TET3: variants seen among roughly 807,000 people sequenced by gnomAD.
TET3 encodes tet methylcytosine dioxygenase 3, also known as methylcytosine dioxygenase TET3.
TET3 carries 19 observed loss-of-function variants against 141.4 expected under a neutral mutation model. The observed-to-expected ratio is 0.13, with a 90% CI of 0.09 to 0.20. The LOEUF is 0.20. Ranked by LOEUF, TET3 falls within the 10% of genes least tolerant of loss-of-function variation. The pLI, the probability that TET3 is intolerant of heterozygous loss-of-function variation, is 1.00. For missense variants in TET3, 1,874 were observed against 2,356.9 expected (o/e 0.80, Z 4.24); for synonymous variants, 1,043 against 980.9 (o/e 1.06, Z -1.18).
intron 4 of TET3, among the ~76,000 whole-genome samples, chr2:74,053,430 C>A (rs1688054568): frequency 6.6e-6 from 1 of 152,174 alleles, no homozygotes; most frequent in African/African-American, 2.4e-5. Context: ...TTGTGCTCAT[C>A]TAGTCACCAT....
chr2:73,987,121 G>T (rs77976256), intron 2 of TET3, among the ~76,000 whole-genome samples: 1 of 152,152 alleles, frequency 6.6e-6, no homozygotes, highest in Non-Finnish European at 1.5e-5. Context: ...TTGACAGGGT[G>T]GTTTTATGAT....
At chr2:74,064,143 C>T (rs1390255749) in intron 4 of TET3, among the ~76,000 whole-genome samples, 1 of 152,074 alleles carries the variant, frequency 6.6e-6, no homozygotes, top group Non-Finnish European at 1.5e-5. Flanking sequence ...TCAAAGCTCT[C>T]TGAAGTCGGG....
chr2:74,075,530 T>C (rs950964653), intron 5 of TET3, among the ~76,000 whole-genome samples: 1 of 151,816 alleles, frequency 6.6e-6, no homozygotes, highest in Admixed American at 6.6e-5. Context: ...GGTTTCACCA[T>C]GTTGGCCAGG....
intron 4 of TET3, among the ~76,000 whole-genome samples, chr2:74,069,098 A>AT (rs1175354698): frequency 4.6e-5 from 7 of 151,366 alleles, no homozygotes; most frequent in African/African-American, 1.7e-4. Flanking sequence ...CTTCCTGATT[A>AT]TTTTTTAAAA....
Position 74,105,046 on chromosome 2 carries a change from C to G in TET3, c.*2870C>G, listed in dbSNP as rs1691422466. On this transcript the variant is annotated 3_prime_UTR_variant, in exon 12 of 12. Coordinates refer to ENST00000409262, the MANE Select transcript of TET3 (RefSeq NM_001287491.2). Reference sequence around the variant, plus strand: ...GTAACTATGCACAGCTCTTTATCCCCCCCTTGCTGCTGAAGCTTTCTTAAA... The same window carrying G: ...GTAACTATGCACAGCTCTTTATCCCGCCCTTGCTGCTGAAGCTTTCTTAAA... 1 of 397,616 alleles carries G rather than the reference C, an allele frequency of 2.5e-6. No homozygotes were observed. The highest frequency in any genetic ancestry group is 2.1e-5 in the African/African-American group (1 of 48,622). The allele number at this position is 397,616 out of a possible 1,614,324, so 24.6% of individuals were successfully genotyped here. A position where few individuals can be genotyped will look rare whatever the true frequency, so the allele number is the denominator to read the frequency against.
At chr2:74,073,711 A>AT in intron 5 of TET3, 72 bp downstream of exon 5, 1 of 1,304,076 alleles carries the variant, frequency 7.7e-7, no homozygotes, top group South Asian at 1.4e-5. Context: ...AGCGCCTCTC[A>AT]TTTTTCTTTG....
At chr2:74,015,001 A>G (rs1351951032) in intron 3 of TET3, among the ~76,000 whole-genome samples, 1 of 152,194 alleles carries the variant, frequency 6.6e-6, no homozygotes, top group East Asian at 1.9e-4. Context: ...AACAGTGATC[A>G]TGTGGTGAAG....
rs1318053480 is a variant in TET3 at position 74,101,712 on chromosome 2, A to G, written c.4924A>G (p.Ser1642Gly). The G allele has an allele frequency of 2.5e-6, 4 of 1,613,614 alleles. No homozygotes were observed. The highest frequency in any genetic ancestry group is 3.4e-6 in the Non-Finnish European group (4 of 1,179,882). The change falls in exon 12 of 12, where the codon AGT (serine) becomes GGT (glycine). Residue 1642 changes from serine to glycine, a missense_variant. Transcript: ENST00000409262. The surrounding 1 kb of genome is among the most constrained non-coding windows in gnomAD (Gnocchi z 8.5). ...EEEEEELWSDSEHNFLDENIG... is the reference protein window; with the variant it reads ...EEEEEELWSDGEHNFLDENIG... ...GGAAGAGGAGGAGCTGTGGTCGGAC[A>G]GTGAACACAACTTCCTGGACGAGAA...
intron 2 of TET3, among the ~76,000 whole-genome samples, chr2:74,001,654 C>G (rs1404803134): frequency 6.6e-6 from 1 of 152,170 alleles, no homozygotes; most frequent in Non-Finnish European, 1.5e-5. Context: ...ACGATGTGCC[C>G]TGGGTGGCCC....
At position 74,105,285 on chromosome 2, in the gene TET3, G is replaced by A. The variant is rs1372664948; in HGVS notation, c.*3109G>A. 2 of 398,612 alleles carry A rather than the reference G, an allele frequency of 5.0e-6. No homozygotes were observed. The highest frequency in any genetic ancestry group is 8.8e-6 in the Non-Finnish European group (2 of 226,060). 24.7% of individuals were successfully genotyped at this position (398,612 alleles called of 1,614,324 possible). The stretch of plus-strand genomic sequence containing the variant: ...TGCCCTGTCCACGGACACCATCCAC[G>A]TGCAGTGCAAACATTTGGTTCCTTT... On this transcript the variant is annotated 3_prime_UTR_variant, in exon 12 of 12. Coordinates refer to ENST00000409262, the MANE Select transcript of TET3 (RefSeq NM_001287491.2).
Position 74,047,548 on chromosome 2 carries a change from A to G in TET3, c.1631A>G (p.His544Arg), listed in dbSNP as rs1687703076. 1 of 1,613,814 alleles carries G rather than the reference A, an allele frequency of 6.2e-7. No homozygotes were observed. The highest frequency in any genetic ancestry group is 1.6e-4 in the Middle Eastern group (1 of 6,062). The change falls in exon 4 of 12, where the codon CAC (histidine) becomes CGC (arginine). Residue 544 changes from histidine to arginine, a missense_variant. Coordinates refer to ENST00000409262, the MANE Select transcript of TET3 (RefSeq NM_001287491.2). Reference protein sequence around the residue: ...HKRSLFLEQVHDTSFPAPSEP... With the variant: ...HKRSLFLEQVRDTSFPAPSEP... ...CGCAGCCTCTTCCTAGAACAGGTGC[A>G]CGACACCTCCTTCCCTGCTCCTTCA...
downstream of TET3, among the ~76,000 whole-genome samples, chr2:74,108,923 CATA>C (rs1691638532): frequency 6.6e-6 from 1 of 152,296 alleles, no homozygotes; most frequent in African/African-American, 2.4e-5. Context: ...ATACCATGAT[CATA>C]ATGAGTGCCA....
At position 74,099,440 on chromosome 2, in the gene TET3, C is replaced by T. The variant is rs752228312; in HGVS notation, c.3432C>T (p.Ala1144=). Residue 1144 remains alanine, a synonymous_variant, in exon 11 of 12, where the codon GCC becomes GCT. Transcript: ENST00000409262. Reference sequence around the variant, plus strand: ...GCGGAGCCATCCAGGTGCTCACCGCCTTCCCCCGCGAGGTCCGACGCCTGC... The same window carrying T: ...GCGGAGCCATCCAGGTGCTCACCGCTTTCCCCCGCGAGGTCCGACGCCTGC... The part of the protein sequence containing the change: ...VGSGAIQVLT[A]FPREVRRLPE... The T allele has an allele frequency of 5.0e-5, 80 of 1,613,872 alleles. No individual in the cohort carries two copies. Among genetic ancestry groups the T allele is most frequent in the Non-Finnish European group, 6.4e-5 (76 of 1,179,898 alleles).
chr2:74,031,453 A>G (rs966395202), intron 3 of TET3, among the ~76,000 whole-genome samples: 1 of 152,190 alleles, frequency 6.6e-6, no homozygotes, highest in African/African-American at 2.4e-5. Flanking sequence ...TCAGATGAAC[A>G]TGTGCAAACC....
intron 4 of TET3, among the ~76,000 whole-genome samples, chr2:74,069,578 C>A (rs973823269): frequency 1.3e-5 from 2 of 151,532 alleles, no homozygotes; most frequent in African/African-American, 4.9e-5. Context: ...CACCTCTATG[C>A]CCTTTCTTAT....
At chr2:74,115,895 G>GT in the TET3 span, among the ~76,000 whole-genome samples, 1 of 151,270 alleles carries the variant, frequency 6.6e-6, no homozygotes, top group Non-Finnish European at 1.5e-5. Context: ...CATGCCTGTG[G>GT]TATCAGCTAC....
chr2:74,134,887 T>C, the TET3 span: 1 of 409,382 alleles, frequency 2.4e-6, no homozygotes, highest in East Asian at 7.3e-5. Flanking sequence ...GGAATGGATG[T>C]CCCACTGTCC....
rs1463151127 is a variant in TET3 at position 74,100,403 on chromosome 2, G to A, written c.3615G>A (p.Leu1205=). The A allele has an allele frequency of 3.8e-6, 6 of 1,562,176 alleles. No homozygotes were observed. The South Asian group carries it at 7.1e-5, about 18-fold the overall frequency. ...AGITSDPGLS[L]KGGLSQQGLK... ...CTTCTGTTTCCCCAGGCCTGTCTCT[G>A]AAGGGTGGATTGTCCCAGCAAGGCC... Residue 1205 remains leucine (L), a synonymous_variant, in exon 12 of 12, where the codon CTG becomes CTA. Transcript: ENST00000409262.
chr2:74,108,430 TTTTCTTTCCC>T (rs1340739478), downstream of TET3, among the ~76,000 whole-genome samples: 3 of 152,222 alleles, frequency 2.0e-5, no homozygotes, highest in Non-Finnish European at 4.4e-5. Flanking sequence ...TCTCTTTTTG[TTTTCTTTCCC>T]TTTTATGTTT....
Sources: allele counts gnomAD v4.1 joint callset (sites outside exome capture counted in the v4.1 genomes callset), GRCh38; gene constraint gnomAD v4.1.1; non-coding constraint Gnocchi (gnomAD v3.1); transcripts MANE v1.5; gene names NCBI Gene and HGNC (gene_info 2026-07-23, HGNC 2026-07-21).